The following RGPD2 variants were observed in gnomAD, a reference collection of about 807,000 sequenced individuals.
The protein encoded by RGPD2 is RANBP2-like and GRIP domain-containing protein 2.
In RGPD2, 2 loss-of-function variants were observed where a neutral mutation model predicts 36.0. The observed-to-expected ratio is 0.06, with a 90% CI of 0.02 to 0.17. RGPD2 has a LOEUF of 0.17. Among genes scored for constraint, RGPD2 ranks in the 10% least tolerant of loss-of-function variants. RGPD2 has a pLI of 1.00. For synonymous variants in RGPD2, 19 were observed against 163.8 expected (o/e 0.12, Z 6.75); for missense variants, 40 against 464.3 (o/e 0.09, Z 8.40).
chr2:87,935,656 A>C, the RGPD2 span, among the ~76,000 whole-genome samples: 6 of 151,412 alleles, frequency 4.0e-5, no homozygotes, highest in Non-Finnish European at 5.9e-5. Flanking sequence ...ATAAAGAAAA[A>C]GTAGAGAGTG....
chr2:87,929,287 A>G, the RGPD2 span, among the ~76,000 whole-genome samples: 1 of 150,942 alleles, frequency 6.6e-6, no homozygotes, highest in Non-Finnish European at 1.5e-5. Flanking sequence ...TCCTTTCCCC[A>G]TTGCTTGTTT....
intron 1 of RGPD2, among the ~76,000 whole-genome samples, chr2:87,824,670 A>G (rs573317835): frequency 2.3e-4 from 33 of 145,660 alleles, no homozygotes; most frequent in South Asian, 1.1e-3. Context: ...AATTTGGGGG[A>G]AAAAAAAAGA....
the RGPD2 span, among the ~76,000 whole-genome samples, chr2:87,947,672 T>C: frequency 6.6e-6 from 1 of 151,784 alleles, no homozygotes; most frequent in East Asian, 2.0e-4. Flanking sequence ...AGACCTTATC[T>C]ATGCTCCCAA....
chr2:87,852,610 CTG>C, the RGPD2 span, among the ~76,000 whole-genome samples: 1 of 152,240 alleles, frequency 6.6e-6, no homozygotes, highest in Non-Finnish European at 1.5e-5. Context: ...TTCTATTGCT[CTG>C]TGTTCCAGAG....
chr2:87,940,204 G>A, the RGPD2 span, among the ~76,000 whole-genome samples: 1 of 151,954 alleles, frequency 6.6e-6, no homozygotes, highest in African/African-American at 2.4e-5. Flanking sequence ...GGACAACAGA[G>A]AAACACAGTG....
the RGPD2 span, among the ~76,000 whole-genome samples, chr2:87,957,947 T>C: frequency 2.0e-5 from 3 of 152,416 alleles, no homozygotes; most frequent in East Asian, 5.8e-4. Context: ...TTAACTCAGA[T>C]GCTCATGAAC....
In RGPD2 at chr2:87,807,341, T is replaced by C. The variant is rs1256501169; in HGVS notation, c.780-450A>G. Among the ~76,000 whole-genome samples the C allele has an allele frequency of 2.1e-5, 3 of 146,292 alleles. 1 individual carries two copies. The highest frequency in any genetic ancestry group is 5.6e-5 in the African/African-American group (2 of 36,024). ...AGGTATTTGAGTATCAATACAGCAA[T>C]TGCTCTTTTTACTATATAGATCATT... On this transcript the variant is annotated intron_variant, in intron 6 of 22. Coordinates refer to ENST00000398146, the MANE Select transcript of RGPD2 (RefSeq NM_001078170.3).
chr2:87,769,327 T>C (rs954157941), intron 22 of RGPD2, among the ~76,000 whole-genome samples: 3 of 150,316 alleles, frequency 2.0e-5, no homozygotes, highest in African/African-American at 7.3e-5. Flanking sequence ...AAACCATCAT[T>C]GTTTTTAATT....
At chr2:87,964,597 G>A in the RGPD2 span, among the ~76,000 whole-genome samples, 26 of 151,846 alleles carry the variant, frequency 1.7e-4, no homozygotes, top group East Asian at 3.5e-3. Flanking sequence ...ACAGTGGCAC[G>A]ATCTCAGCTC....
chr2:87,864,434 G>A, the RGPD2 span, among the ~76,000 whole-genome samples: 23 of 152,344 alleles, frequency 1.5e-4, no homozygotes, highest in Admixed American at 3.9e-4. Context: ...CTGATGCTCA[G>A]GCCTTTGGAC....
intron 21 of RGPD2, among the ~76,000 whole-genome samples, chr2:87,773,361 TAAAG>T (rs1214566717): frequency 2.6e-5 from 4 of 151,470 alleles, no homozygotes; most frequent in Non-Finnish European, 4.4e-5. Flanking sequence ...AAAGTGACAA[TAAAG>T]AAGACGAAGA....
At chr2:87,973,532 C>T in the RGPD2 span, among the ~76,000 whole-genome samples, 27 of 138,846 alleles carry the variant, frequency 1.9e-4, no homozygotes, top group Admixed American at 7.6e-4. Flanking sequence ...AGCCCTAGTC[C>T]CAACTCCTTG....
chr2:87,791,499 TGA>T (rs1685731793), intron 17 of RGPD2, among the ~76,000 whole-genome samples: 1 of 134,972 alleles, frequency 7.4e-6, no homozygotes, highest in East Asian at 2.4e-4. Flanking sequence ...GGCAACAGAG[TGA>T]GACTCCATCT....
chr2:87,874,211 T>C, the RGPD2 span, among the ~76,000 whole-genome samples: 1 of 136,954 alleles, frequency 7.3e-6, no homozygotes, highest in East Asian at 2.0e-4. Context: ...GCAGAAGCTC[T>C]TTAATTTAAT....
chr2:87,886,632 AG>A, the RGPD2 span, among the ~76,000 whole-genome samples: 1 of 151,082 alleles, frequency 6.6e-6, no homozygotes, highest in Admixed American at 6.6e-5. Context: ...TCTATTCACA[AG>A]TCCAGTCCTG....
chr2:87,769,435 A>G (rs1440678326), intron 22 of RGPD2, among the ~76,000 whole-genome samples: 1 of 150,974 alleles, frequency 6.6e-6, no homozygotes, highest in Non-Finnish European at 1.5e-5. Context: ...CTGTCTGTTT[A>G]CAGGACTTAC....
chr2:87,893,438 T>C, the RGPD2 span, among the ~76,000 whole-genome samples: 1 of 147,686 alleles, frequency 6.8e-6, no homozygotes, highest in Non-Finnish European at 1.5e-5. Flanking sequence ...TAAGATGAAA[T>C]TGTAGCTGAC....
chr2:87,957,382 G>A, the RGPD2 span, among the ~76,000 whole-genome samples: 2 of 150,486 alleles, frequency 1.3e-5, no homozygotes, highest in Non-Finnish European at 2.9e-5. Context: ...TTCCAGAAAC[G>A]TATCATGCTG....
At chr2:87,757,966 A>AC (rs1413690242) in intron 22 of RGPD2, among the ~76,000 whole-genome samples, 7,344 of 42,312 alleles carry the variant, frequency 0.17, 1 homozygote, top group East Asian at 0.26. Context: ...GGTGGGGGTT[A>AC]CCCAAATAGG....
Sources: allele counts gnomAD v4.1 joint callset (sites outside exome capture counted in the v4.1 genomes callset), GRCh38; gene constraint gnomAD v4.1.1; transcripts MANE v1.5; gene names NCBI Gene and HGNC (gene_info 2026-07-23, HGNC 2026-07-21).